The following AXDND1 variants were observed in gnomAD, a reference collection of about 807,000 sequenced individuals.
The protein encoded by AXDND1 is axonemal dynein light chain domain-containing protein 1.
In AXDND1, 110 loss-of-function variants were observed where a neutral mutation model predicts 137.5. That is an observed-to-expected ratio of 0.80 (90% CI 0.69 to 0.94). The LOEUF is 0.94. AXDND1 is among the 40% of genes least tolerant of loss of function. The pLI, the probability that AXDND1 is intolerant of heterozygous loss-of-function variation, is 0.00. For synonymous variants in AXDND1, 414 were observed against 399.7 expected (o/e 1.04, Z -0.43); for missense variants, 1,191 against 1,169.8 (o/e 1.02, Z -0.26).
intron 21 of AXDND1, among the ~76,000 whole-genome samples, chr1:179,512,222 C>T (rs181335172): frequency 6.6e-6 from 1 of 152,138 alleles, no homozygotes; most frequent in African/African-American, 2.4e-5. Context: ...CTTAATCCAT[C>T]TTGAGTTGAT....
At chr1:179,443,716 C>T (rs1384297782) in intron 15 of AXDND1, among the ~76,000 whole-genome samples, 3 of 152,154 alleles carry the variant, frequency 2.0e-5, no homozygotes, top group African/African-American at 7.2e-5. Context: ...ATCCATTTTG[C>T]AGCAAGTGTC....
chr1:179,479,156 A>G (rs1348617624), intron 17 of AXDND1, among the ~76,000 whole-genome samples: 1 of 151,708 alleles, frequency 6.6e-6, no homozygotes, highest in Non-Finnish European at 1.5e-5. Context: ...CACCCAAGTC[A>G]CCCCTTGAAT....
chr1:179,497,968 T>C (rs1181560262), intron 20 of AXDND1, among the ~76,000 whole-genome samples: 2 of 152,110 alleles, frequency 1.3e-5, no homozygotes, highest in Non-Finnish European at 2.9e-5. Context: ...GAAAGGCGTC[T>C]ACAAGGAGAA....
intron 20 of AXDND1, among the ~76,000 whole-genome samples, chr1:179,493,530 G>A (rs1458702905): frequency 6.6e-6 from 1 of 152,136 alleles, no homozygotes; most frequent in Non-Finnish European, 1.5e-5. Context: ...GAATGGAATG[G>A]CTGAGTCACA....
chr1:179,549,699 G>T (rs1673017029), intron 25 of AXDND1, among the ~76,000 whole-genome samples: 1 of 152,034 alleles, frequency 6.6e-6, no homozygotes, highest in African/African-American at 2.4e-5. Context: ...GTCATATATG[G>T]TGTGAAAAGT....
intron 12 of AXDND1, among the ~76,000 whole-genome samples, chr1:179,426,816 G>A (rs887860817): frequency 2.6e-5 from 4 of 152,162 alleles, no homozygotes; most frequent in African/African-American, 9.6e-5. Context: ...GCAAGTTTTA[G>A]AATAATATAA....
intron 9 of AXDND1, among the ~76,000 whole-genome samples, chr1:179,389,457 A>T (rs1287100002): frequency 6.6e-6 from 1 of 152,122 alleles, no homozygotes. Context: ...TGAATCCAGG[A>T]TGCTTTCTGG....
At chr1:179,503,712 A>G (rs1278636960) in intron 20 of AXDND1, among the ~76,000 whole-genome samples, 2 of 150,834 alleles carry the variant, frequency 1.3e-5, no homozygotes, top group Admixed American at 1.3e-4. Flanking sequence ...CCCTGCCCTC[A>G]CCCCACAACA....
At chr1:179,400,443 G>A (rs1218015495) in intron 11 of AXDND1, among the ~76,000 whole-genome samples, 2 of 151,562 alleles carry the variant, frequency 1.3e-5, no homozygotes, top group Non-Finnish European at 2.9e-5. Flanking sequence ...GGGGGATGAG[G>A]GATAAAATAC....
intron 4 of AXDND1, among the ~76,000 whole-genome samples, chr1:179,377,878 A>G (rs1009720402): frequency 6.6e-6 from 1 of 152,184 alleles, no homozygotes; most frequent in African/African-American, 2.4e-5. Context: ...ATAGATCATA[A>G]TAACATGACA....
chr1:179,514,150 G>A (rs554504378), intron 21 of AXDND1, among the ~76,000 whole-genome samples: 3 of 151,884 alleles, frequency 2.0e-5, no homozygotes, highest in Non-Finnish European at 2.9e-5. Context: ...AGTTCCTTGA[G>A]GTGTGACCTT....
At chr1:179,466,554 C>A (rs1206143514) in intron 16 of AXDND1, among the ~76,000 whole-genome samples, 1 of 151,946 alleles carries the variant, frequency 6.6e-6, no homozygotes, top group African/African-American at 2.4e-5. Flanking sequence ...AATTTATTAA[C>A]TTTTAGAGTT....
chr1:179,401,964 G>T (rs1215902420), intron 11 of AXDND1, among the ~76,000 whole-genome samples: 2 of 152,092 alleles, frequency 1.3e-5, no homozygotes, highest in African/African-American at 4.8e-5. Context: ...ACGAGGTTAA[G>T]AGATAGAGAC....
intron 11 of AXDND1, 67 bp downstream of exon 11, chr1:179,395,269 T>C: frequency 8.2e-7 from 1 of 1,222,842 alleles, no homozygotes; most frequent in Non-Finnish European, 1.2e-6. Context: ...GCTTCTGAAA[T>C]AATATATATG....
chr1:179,378,563 G>A lies in AXDND1; in HGVS notation c.375-74G>A, dbSNP rs149060031. ...CATCTTACCCATTAGAAGGATATGTGTGGATCTCACCTGCTGTTATGTGGT... is the reference window on the plus strand; with the variant it reads ...CATCTTACCCATTAGAAGGATATGTATGGATCTCACCTGCTGTTATGTGGT... On this transcript the variant is annotated intron_variant, in intron 4 of 25. Transcript: ENST00000367618. 71 of 1,195,058 alleles carry A rather than the reference G, an allele frequency of 5.9e-5. 2 individuals are homozygous for A. The Middle Eastern group carries it at 2.9e-3, about 49-fold the overall frequency. 74.0% of individuals were successfully genotyped at this position (1,195,058 alleles called of 1,614,324 possible).
At chr1:179,534,152 A>G (rs1461914744) in intron 24 of AXDND1, among the ~76,000 whole-genome samples, 1 of 152,192 alleles carries the variant, frequency 6.6e-6, no homozygotes, top group Non-Finnish European at 1.5e-5. Flanking sequence ...GTTTGTTTCT[A>G]AGAGATAACT....
At chr1:179,448,110 T>C in intron 16 of AXDND1, 1 of 949,874 alleles carries the variant, frequency 1.1e-6, no homozygotes, top group East Asian at 2.4e-5. Context: ...CCTCATTAAT[T>C]ATTTTTCTTC....
intron 16 of AXDND1, among the ~76,000 whole-genome samples, chr1:179,463,639 T>C (rs1662694625): frequency 6.6e-6 from 1 of 152,260 alleles, no homozygotes; most frequent in Admixed American, 6.5e-5. Flanking sequence ...TTAGGTCTGC[T>C]TGTTGCAGAG....
At chr1:179,454,701 A>C (rs190589165) in intron 16 of AXDND1, 16 of 152,326 alleles carry the variant, frequency 1.1e-4, no homozygotes, top group African/African-American at 3.4e-4. Context: ...GAGATTGTGT[A>C]TTTAGTATTA....
Sources: gnomAD v4.1 joint callset for allele counts (sites outside exome capture counted in the v4.1 genomes callset) on GRCh38, gnomAD v4.1.1 for gene constraint, MANE v1.5 for transcripts, NCBI Gene and HGNC (gene_info 2026-07-23, HGNC 2026-07-21) for gene names.